Variants in NFATC2 observed in about 807,000 individuals in gnomAD.
The protein encoded by NFATC2 is nuclear factor of activated T-cells, cytoplasmic 2.
In NFATC2, 22 loss-of-function variants were observed where a neutral mutation model predicts 87.3. That is an observed-to-expected ratio of 0.25 (90% CI 0.18 to 0.36). The LOEUF (loss-of-function observed/expected upper bound fraction) is 0.36, where lower values mean the gene tolerates loss of function less well. Among genes scored for constraint, NFATC2 ranks in the 10% least tolerant of loss-of-function variants. The probability of loss-of-function intolerance (pLI) is 1.00; values close to 1 mark genes in which losing one functional copy is unlikely to be tolerated. For missense variants in NFATC2, 1,149 were observed against 1,259.1 expected, an observed-to-expected ratio of 0.91 and a Z score of 1.32; for synonymous variants, 565 against 542.2, an observed-to-expected ratio of 1.04 and a Z score of -0.58.
intron 1 of NFATC2, among the ~76,000 whole-genome samples, chr20:51,553,293 G>A (rs887505026): frequency 7.9e-5 from 12 of 152,084 alleles, no homozygotes; most frequent in South Asian, 6.2e-4. Flanking sequence ...CCTGGTCCCC[G>A]CACAACTACT....
At chr20:51,545,053 A>T (rs2076877932), upstream of NFATC2, among the ~76,000 whole-genome samples, 1 of 152,230 alleles carries the variant, frequency 6.6e-6, no homozygotes, top group Non-Finnish European at 1.5e-5. Flanking sequence ...CCCAGCTAGG[A>T]TACTTATAGA....
intron 3 of NFATC2, among the ~76,000 whole-genome samples, chr20:51,477,158 C>T (rs1316015250): frequency 1.3e-5 from 2 of 152,060 alleles, no homozygotes; most frequent in African/African-American, 4.8e-5. Flanking sequence ...CAGGACATGC[C>T]TAGGCTGTGA....
chr20:51,484,350 C>G (rs1003465077), intron 3 of NFATC2, among the ~76,000 whole-genome samples: 6 of 152,288 alleles, frequency 3.9e-5, no homozygotes, highest in African/African-American at 1.2e-4. Flanking sequence ...CCCACTGTCC[C>G]TCCACACACC....
intron 8 of NFATC2, among the ~76,000 whole-genome samples, chr20:51,434,719 T>TC (rs1423205889): frequency 6.6e-6 from 1 of 152,192 alleles, no homozygotes; most frequent in Non-Finnish European, 1.5e-5. Flanking sequence ...GGCTGTACTT[T>TC]GTGGGAATGA....
chr20:51,514,159 A>G (rs970893759), intron 3 of NFATC2, among the ~76,000 whole-genome samples: 3 of 152,240 alleles, frequency 2.0e-5, no homozygotes, highest in Non-Finnish European at 4.4e-5. Flanking sequence ...GCCAAAATGT[A>G]AGCTCATGAT....
chr20:51,436,666 G>T (rs1299265933), intron 6 of NFATC2, among the ~76,000 whole-genome samples: 1 of 152,144 alleles, frequency 6.6e-6, no homozygotes, highest in Non-Finnish European at 1.5e-5. Flanking sequence ...AGCAAACCAA[G>T]ATTACACCAC....
rs571818003 is a variant in NFATC2, at chr20:51,401,712, T to A, written c.2723-2982A>T. On this transcript the variant is annotated intron_variant, in intron 9 of 10. Transcript: ENST00000371564. ...AGGTTACAGCCTAAGACCTATACAG[T>A]GGCCTTGCATTTTTACCCCAGGCAT... 5.3e-5 allele frequency among the ~76,000 whole-genome samples: 8 copies of A among 152,206 alleles called. No homozygotes were observed. In the East Asian group the frequency reaches 1.5e-3, roughly 29 times the overall value.
intron 1 of NFATC2, among the ~76,000 whole-genome samples, chr20:51,553,542 G>A (rs1157411149): frequency 6.6e-6 from 1 of 152,060 alleles, no homozygotes; most frequent in Non-Finnish European, 1.5e-5. Flanking sequence ...GGGCATGGTG[G>A]CAGGTGCCTG....
chr20:51,499,741 TAA>T (rs538460642), intron 3 of NFATC2, among the ~76,000 whole-genome samples: 7 of 137,810 alleles, frequency 5.1e-5, no homozygotes, highest in African/African-American at 2.7e-5. Flanking sequence ...GACTCCATCT[TAA>T]AAAAAAAAAA....
chr20:51,432,784 C>A lies in NFATC2; in HGVS notation c.2033-28G>T. On this transcript the variant is annotated intron_variant, in intron 8 of 10. Coordinates refer to ENST00000371564, the MANE Select transcript of NFATC2 (RefSeq NM_012340.5). This position sits in a 1 kb window ranked among gnomAD's most constrained non-coding sequence, Gnocchi z 4.6. ...GGGAGGAGAAAAGAGCACATAGGGG[C>A]GCCCATGGCAGTGAGCCACGGATGT... 1 of 1,520,550 alleles carries A rather than the reference C, an allele frequency of 6.6e-7. No homozygotes were observed. The allele number at this position is 1,520,550 out of a possible 1,614,324, so 94.2% of individuals were successfully genotyped here. A position where few individuals can be genotyped will look rare whatever the true frequency, so the allele number is the denominator to read the frequency against.
chr20:51,553,242 T>G (rs1165184914), intron 1 of NFATC2, among the ~76,000 whole-genome samples: 1 of 152,146 alleles, frequency 6.6e-6, no homozygotes, highest in Non-Finnish European at 1.5e-5. Context: ...CGGGAGCCTG[T>G]GAGCTTGAGC....
chr20:51,526,246 A>G (rs1195902824), intron 1 of NFATC2, among the ~76,000 whole-genome samples: 2 of 152,050 alleles, frequency 1.3e-5, no homozygotes, highest in Non-Finnish European at 2.9e-5. Context: ...ACCACAGCCC[A>G]TGGGCCAAAT....
chr20:51,526,629 T>G (rs1344693522), intron 1 of NFATC2, among the ~76,000 whole-genome samples: 1 of 152,182 alleles, frequency 6.6e-6, no homozygotes, highest in Non-Finnish European at 1.5e-5. Flanking sequence ...GCCCTCTTCC[T>G]GCTTTGGGGG....
At chr20:51,448,830 G>A (rs1035456869) in intron 6 of NFATC2, among the ~76,000 whole-genome samples, 4 of 152,110 alleles carry the variant, frequency 2.6e-5, no homozygotes, top group Non-Finnish European at 5.9e-5. Context: ...GATCACACAG[G>A]CTCTTGAAAG....
chr20:51,534,374 G>A (rs979413320), intron 1 of NFATC2, among the ~76,000 whole-genome samples: 3 of 152,222 alleles, frequency 2.0e-5, no homozygotes, highest in Non-Finnish European at 4.4e-5. Flanking sequence ...CACTCTTGTA[G>A]CACAGGCTAC....
At chr20:51,435,341 T>C (rs1260995027) in intron 7 of NFATC2, 27 bp from the exon 8 acceptor site, 1 of 1,613,926 alleles carries the variant, frequency 6.2e-7, no homozygotes, top group South Asian at 1.1e-5. Flanking sequence ...GTCATGAACT[T>C]AACTGCAATC....
Position 51,403,634 on chromosome 20 carries a change from C to A in NFATC2, c.2723-4904G>T, listed in dbSNP as rs560709091. ...ACTTGGTGCAGTCATGAAGGTGGGG[C>A]CCTCGTGATGGAATTAGTGGCCTAA... On this transcript the variant is annotated intron_variant, in intron 9 of 10. Transcript: ENST00000371564. Among the ~76,000 whole-genome samples the A allele has an allele frequency of 1.2e-4, 18 of 152,218 alleles. No homozygotes were observed. The East Asian group carries it at 3.5e-3, about 29-fold the overall frequency.
chr20:51,453,985 C>T (rs756665209), intron 6 of NFATC2, among the ~76,000 whole-genome samples: 1 of 152,328 alleles, frequency 6.6e-6, no homozygotes, highest in South Asian at 2.1e-4. Context: ...TGATTCACTG[C>T]AGAACTACTT....
intron 3 of NFATC2, among the ~76,000 whole-genome samples, chr20:51,512,112 A>G (rs1327651331): frequency 6.6e-6 from 1 of 152,182 alleles, no homozygotes; most frequent in African/African-American, 2.4e-5. Flanking sequence ...GGAGGAGGAC[A>G]TCATTTGTCT....
Sources: gnomAD v4.1 joint callset for allele counts (sites outside exome capture counted in the v4.1 genomes callset) on GRCh38, gnomAD v4.1.1 for gene constraint, Gnocchi (gnomAD v3.1) non-coding constraint, MANE v1.5 for transcripts, NCBI Gene and HGNC (gene_info 2026-07-23, HGNC 2026-07-21) for gene names.